The following GLYAT variants were observed in gnomAD, a reference collection of about 807,000 sequenced individuals.
GLYAT encodes the protein glycine N-acyltransferase.
A neutral mutation model predicts 22.8 loss-of-function variants in GLYAT; 25 were observed. That is an observed-to-expected ratio of 1.09 (90% CI 0.80 to 1.53). The LOEUF (loss-of-function observed/expected upper bound fraction) is 1.53. Ranked by LOEUF, GLYAT falls within the 40% of genes most tolerant of loss-of-function variation. The pLI, the probability that GLYAT is intolerant of heterozygous loss-of-function variation, is 0.00. For synonymous variants in GLYAT, 140 were observed against 122.7 expected (o/e 1.14, Z -0.93); for missense variants, 411 against 353.9 (o/e 1.16, Z -1.29).
intron 2 of GLYAT, among the ~76,000 whole-genome samples, chr11:58,715,917 C>A (rs1428598782): frequency 6.6e-6 from 1 of 152,088 alleles, no homozygotes; most frequent in African/African-American, 2.4e-5. Context: ...TGGGTACCTA[C>A]CATTTTCTTA....
chr11:58,710,404 G>A, intron 5 of GLYAT, 186 bp downstream of exon 5: 1 of 731,640 alleles, frequency 1.4e-6, no homozygotes, highest in Non-Finnish European at 2.2e-6. Flanking sequence ...TATTCTAGAT[G>A]AGAAGGGAGA....
chr11:58,729,055 C>A (rs952709374), intron 1 of GLYAT, among the ~76,000 whole-genome samples: 1 of 152,038 alleles, frequency 6.6e-6, no homozygotes, highest in Non-Finnish European at 1.5e-5. Context: ...ACCTTAATAC[C>A]TTAGCCCATG....
rs575943955 is a variant in GLYAT at position 58,730,769 on chromosome 11, C to T, written c.-16+1066G>A. Among the ~76,000 whole-genome samples the T allele has an allele frequency of 2.0e-5, 3 of 152,194 alleles. No homozygotes were observed. In the East Asian group the frequency reaches 5.8e-4, roughly 29 times the overall value. On this transcript the variant is annotated intron_variant, in intron 1 of 5. Transcript: ENST00000344743. ...CTGGGTAACAGAGTGTCTCTAAATA[C>T]AAAACAAAACAAAAACTCTAAACAG... is the stretch of plus-strand genomic sequence containing the variant.
At chr11:58,728,964 A>G (rs534629254) in intron 1 of GLYAT, among the ~76,000 whole-genome samples, 65 of 151,558 alleles carry the variant, frequency 4.3e-4, no homozygotes, top group Non-Finnish European at 8.0e-4. Context: ...AAAAGAAAAG[A>G]AAGGAAGGAA....
chr11:58,723,358 G>A (rs777270213), intron 2 of GLYAT, among the ~76,000 whole-genome samples: 1 of 152,052 alleles, frequency 6.6e-6, no homozygotes, highest in Non-Finnish European at 1.5e-5. Context: ...TTCAAGGTGG[G>A]TAACTTTAGA....
intron 4 of GLYAT, among the ~76,000 whole-genome samples, 191 bp from the exon 5 acceptor site, chr11:58,710,952 A>G (rs1256865010): frequency 6.6e-6 from 1 of 152,180 alleles, no homozygotes; most frequent in African/African-American, 2.4e-5. Flanking sequence ...TTCCCTCCCC[A>G]TCTAATTAAG....
intron 1 of GLYAT, chr11:58,728,842 GGAAA>G (rs1226345279): frequency 2.2e-5 from 2 of 89,440 alleles, no homozygotes; most frequent in Non-Finnish European, 4.6e-5. Flanking sequence ...AAGAAAAAAA[GGAAA>G]GAAAGAAGAA....
intron 5 of GLYAT, 38 bp from the exon 6 acceptor site, chr11:58,710,206 A>G (rs774950986): frequency 1.9e-6 from 3 of 1,568,194 alleles, no homozygotes; most frequent in South Asian, 1.2e-5. Flanking sequence ...ATCCATTAGT[A>G]TAAAGGTTTG....
At chr11:58,716,146 G>T (rs1240376132) in intron 2 of GLYAT, among the ~76,000 whole-genome samples, 1 of 152,016 alleles carries the variant, frequency 6.6e-6, no homozygotes, top group Non-Finnish European at 1.5e-5. Flanking sequence ...GAGAGAGAGG[G>T]GTGAAAGAGA....
chr11:58,724,431 G>C lies in GLYAT; in HGVS notation c.66C>G (p.Leu22=), dbSNP rs1159505472. Residue 22 remains leucine (L), a synonymous_variant, in exon 2 of 6, where the codon CTC becomes CTG. Transcript: ENST00000344743. ...CCATTATCACCTTTAAGGATGCTGG[G>C]AGGCTCTTCCTCAAGGATTTCTCCA... ...QMLEKSLRKS[L]PASLKVYGTV... 1.3e-6 allele frequency: 2 copies of C among 1,596,762 alleles called. No homozygotes were observed. The highest frequency in any genetic ancestry group is 2.2e-5 in the East Asian group (1 of 44,704).
rs754224071 is a variant in GLYAT at position 58,715,371 on chromosome 11, G to C, written c.134C>G (p.Ala45Gly). The change falls in exon 3 of 6, where the codon GCT (alanine) becomes GGT (glycine). Residue 45 changes from alanine to glycine, a missense_variant. By Grantham distance (60) the Ala-to-Gly change is moderately conservative. Coordinates refer to ENST00000344743, the MANE Select transcript of GLYAT (RefSeq NM_201648.3). ...AAAATCAGGCCACTTGTCCACCACAGCCTTCAGATTGAATGGATTTCCATG... is the reference window on the plus strand; with the variant it reads ...AAAATCAGGCCACTTGTCCACCACACCCTTCAGATTGAATGGATTTCCATG... ...INHGNPFNLK[A>G]VVDKWPDFNT... is the part of the protein sequence containing the mutation. 2 of 1,603,436 alleles carry C rather than the reference G, an allele frequency of 1.2e-6. No individual in the cohort carries two copies. Among genetic ancestry groups the C allele is most frequent in the Non-Finnish European group, 1.7e-6 (2 of 1,170,884 alleles).
chr11:58,724,371 A>G, intron 2 of GLYAT, 45 bp downstream of exon 2: 2 of 1,043,432 alleles, frequency 1.9e-6, no homozygotes, highest in East Asian at 4.9e-5. Context: ...CCTCTTTCAC[A>G]TCAAGTTTGT....
intron 2 of GLYAT, among the ~76,000 whole-genome samples, chr11:58,718,752 C>T (rs927001399): frequency 6.6e-6 from 1 of 151,092 alleles, no homozygotes; most frequent in Admixed American, 6.6e-5. Context: ...ATTATAAAAC[C>T]ACCTTCTAAA....
At chr11:58,722,344 C>T (rs1414209382) in intron 2 of GLYAT, among the ~76,000 whole-genome samples, 1 of 152,036 alleles carries the variant, frequency 6.6e-6, no homozygotes, top group Non-Finnish European at 1.5e-5. Context: ...GTGCCACTGA[C>T]ACAGCCTCAG....
At chr11:58,730,340 A>G (rs1856859555) in intron 1 of GLYAT, among the ~76,000 whole-genome samples, 2 of 152,118 alleles carry the variant, frequency 1.3e-5, no homozygotes, top group Admixed American at 1.3e-4. Context: ...GGGTATGGTG[A>G]CACACACCTG....
chr11:58,710,401 G>A (rs922460132), intron 5 of GLYAT, 189 bp downstream of exon 5: 6 of 733,910 alleles, frequency 8.2e-6, no homozygotes, highest in Non-Finnish European at 1.1e-5. Context: ...GTTTATTCTA[G>A]ATGAGAAGGG....
intron 4 of GLYAT, among the ~76,000 whole-genome samples, chr11:58,712,051 G>A (rs1856622717): frequency 6.6e-6 from 1 of 152,158 alleles, no homozygotes; most frequent in Admixed American, 6.6e-5. Flanking sequence ...AATCAGCCAT[G>A]GTCCACCCAT....
intron 1 of GLYAT, among the ~76,000 whole-genome samples, chr11:58,728,070 TTTTTTTTTTTG>T (rs1856828045): frequency 7.1e-6 from 1 of 140,708 alleles, no homozygotes; most frequent in African/African-American, 2.7e-5. Flanking sequence ...TTTTTTTTTT[TTTTTTTTTTTG>T]AGTCACAGTC....
chr11:58,728,892 A>AGGAAGGAG (rs1856840998), intron 1 of GLYAT, among the ~76,000 whole-genome samples: 3 of 89,198 alleles, frequency 3.4e-5, no homozygotes, highest in Middle Eastern at 5.2e-3. Flanking sequence ...GAAAGAAAGA[A>AGGAAGGAG]GGAAGGAAGG....
Sources: allele counts gnomAD v4.1 joint callset (sites outside exome capture counted in the v4.1 genomes callset), GRCh38; gene constraint gnomAD v4.1.1; transcripts MANE v1.5; gene names NCBI Gene and HGNC (gene_info 2026-07-23, HGNC 2026-07-21).